Variants in DOP1A observed in about 807,000 individuals in gnomAD.
The protein encoded by DOP1A is DOP1 leucine zipper like protein A, also known as protein DOP1A.
A neutral mutation model predicts 267.6 loss-of-function variants in DOP1A; 90 were observed. The ratio of observed to expected loss-of-function variants is 0.34; its 90% CI spans 0.28 to 0.40. The LOEUF (loss-of-function observed/expected upper bound fraction) is 0.40. DOP1A is among the 10% of genes least tolerant of loss of function. The probability of loss-of-function intolerance (pLI) is 1.00; values close to 1 mark genes in which losing one functional copy is unlikely to be tolerated. For missense variants in DOP1A, 2,437 were observed against 2,900.4 expected (o/e 0.84, Z 3.67); for synonymous variants, 932 against 999.1 (o/e 0.93, Z 1.27).
At position 83,124,802 on chromosome 6, in the gene DOP1A, T is replaced by C; in HGVS notation, c.1438T>C (p.Leu480=). The C allele has an allele frequency of 6.2e-7, 1 of 1,612,790 alleles. No individual in the cohort carries two copies. The highest frequency in any genetic ancestry group is 8.5e-7 in the Non-Finnish European group (1 of 1,179,362). ...TTTCTGCTTACTGGTGGATTTTTTG[T>C]TGGACATAGTTTCTTTGGTAAGACC... ...TNFCLLVDFL[L]DIVSLPTRSM... Residue 480 remains leucine, a synonymous_variant, in exon 13 of 39, where the codon TTG becomes CTG. Transcript: ENST00000349129.
rs778524459 is a variant in DOP1A at position 83,134,250 on chromosome 6, A to G, written c.2833A>G (p.Ile945Val). The change falls in exon 19 of 39, where the codon ATA (isoleucine) becomes GTA (valine). Residue 945 changes from isoleucine to valine, a missense_variant. Coordinates refer to ENST00000349129, the MANE Select transcript of DOP1A (RefSeq NM_015018.4). ...TTGGCATCTAACGAGAGATCTCCAT[A>G]TAAATAAATCTTCATCTTTTGTACG... is the stretch of plus-strand genomic sequence containing the variant. ...VLWHLTRDLHINKSSSFVRSF... is the reference protein window; with the variant it reads ...VLWHLTRDLHVNKSSSFVRSF... 1.9e-6 allele frequency: 3 copies of G among 1,612,760 alleles called. No individual in the cohort carries two copies. The South Asian group carries it at 3.3e-5, about 18-fold the overall frequency.
chr6:83,082,693 T>G (rs1295842439), intron 1 of DOP1A, among the ~76,000 whole-genome samples: 7 of 152,242 alleles, frequency 4.6e-5, no homozygotes, highest in Non-Finnish European at 7.3e-5. Flanking sequence ...AATGCATTTG[T>G]TAATTAGCTA....
chr6:83,124,607 C>T, intron 12 of DOP1A, 98 bp from the exon 13 acceptor site: 1 of 874,046 alleles, frequency 1.1e-6, no homozygotes, highest in Non-Finnish European at 1.9e-6. Flanking sequence ...GTGTGTGACC[C>T]AATATTGACT....
intron 4 of DOP1A, among the ~76,000 whole-genome samples, chr6:83,105,241 T>C (rs1773374780): frequency 6.6e-6 from 1 of 152,122 alleles, no homozygotes; most frequent in African/African-American, 2.4e-5. Context: ...TAAATATTTG[T>C]TTAATGAATA....
chr6:83,126,587 TAATC>T (rs754212866), intron 15 of DOP1A, among the ~76,000 whole-genome samples: 1 of 151,984 alleles, frequency 6.6e-6, no homozygotes, highest in Non-Finnish European at 1.5e-5. Context: ...CAAAGGAAAA[TAATC>T]AAGTGGTAGG....
chr6:83,154,237 G>A lies in DOP1A; in HGVS notation c.6447G>A (p.Leu2149=). The change falls in exon 33 of 39, where the codon TTG becomes TTA. Residue 2149 remains leucine (L), a synonymous_variant. Coordinates refer to ENST00000349129, the MANE Select transcript of DOP1A (RefSeq NM_015018.4). ...MTHDKTTFRD[L]MTRVAVAQSS... is the part of the protein sequence containing the mutation. ...ATGATAAAACAACATTTAGAGATTT[G>A]ATGAGTGAGTATTACGGGATGACAA... 6.2e-7 allele frequency: 1 copy of A among 1,613,350 alleles called. No homozygotes were observed. Among genetic ancestry groups the A allele is most frequent in the Non-Finnish European group, 8.5e-7 (1 of 1,179,522 alleles).
downstream of DOP1A, chr6:83,170,424 G>A: frequency 6.2e-7 from 1 of 1,614,022 alleles, no homozygotes; most frequent in Non-Finnish European, 8.5e-7. Context: ...AATCCTGGGG[G>A]TGTAACTGCT....
rs1780247828 is a variant in DOP1A at position 83,144,868 on chromosome 6, A to G, written c.5542-656A>G. On this transcript the variant is annotated intron_variant, in intron 24 of 38. Coordinates refer to ENST00000349129, the MANE Select transcript of DOP1A (RefSeq NM_015018.4). ...GCTTATTGTTCTGTTTTATTTTTTG[A>G]GGTGATGTACCTTTATTGATGAAAA... 2.6e-5 allele frequency among the ~76,000 whole-genome samples: 4 copies of G among 151,488 alleles called. No individual in the cohort carries two copies. In the South Asian group the frequency reaches 8.3e-4, roughly 32 times the overall value.
Position 83,168,459 on chromosome 6 carries a change from C to T in DOP1A, c.*292C>T, listed in dbSNP as rs1007952071. 3.8e-6 allele frequency: 4 copies of T among 1,056,874 alleles called. No homozygotes were observed. 65.5% of individuals were successfully genotyped at this position (1,056,874 alleles called of 1,614,324 possible). A position where few individuals can be genotyped will look rare whatever the true frequency, so the allele number is the denominator to read the frequency against. On this transcript the variant is annotated 3_prime_UTR_variant, in exon 39 of 39. Transcript: ENST00000349129. ...TTAAACCTGCAAAATATACACTACCCATTTTTTTTTTCCATTGGTTTCAGA... is the reference window on the plus strand; with the variant it reads ...TTAAACCTGCAAAATATACACTACCTATTTTTTTTTTCCATTGGTTTCAGA...
At chr6:83,122,796 CAAATT>C in intron 11 of DOP1A, 62 bp from the exon 12 acceptor site, 1 of 1,257,136 alleles carries the variant, frequency 8.0e-7, no homozygotes, top group Non-Finnish European at 1.0e-6. Context: ...GCACTGCACT[CAAATT>C]TAAATTTGAA....
At position 83,113,302 on chromosome 6, in the gene DOP1A, T is replaced by G. The variant is rs375951863; in HGVS notation, c.682-21T>G. On this transcript the variant is annotated intron_variant, in intron 6 of 38. Transcript: ENST00000349129. ...GTCTCAGCATAATAGACAATAGATG[T>G]TAAAGATGCTGTTATTTCAGGTAGA... 7.5e-6 allele frequency: 12 copies of G among 1,599,456 alleles called. No homozygotes were observed. In the South Asian group the frequency reaches 8.9e-5, roughly 12 times the overall value.
chr6:83,145,116 A>G lies in DOP1A; in HGVS notation c.5542-408A>G, dbSNP rs560846330. Among the ~76,000 whole-genome samples, 6 of 109,808 alleles carry G rather than the reference A, an allele frequency of 5.5e-5. No homozygotes were observed. In the South Asian group the frequency reaches 1.6e-3, roughly 29 times the overall value. 72.0% of individuals were successfully genotyped at this position (109,808 alleles called of 152,430 possible). A position where few individuals can be genotyped will look rare whatever the true frequency, so the allele number is the denominator to read the frequency against. On this transcript the variant is annotated intron_variant, in intron 24 of 38. Coordinates refer to ENST00000349129, the MANE Select transcript of DOP1A (RefSeq NM_015018.4). Reference sequence around the variant, plus strand: ...AGACCCCATCTCAAAAAATATATACATATATTGTATATATATATATATATG... The same window carrying G: ...AGACCCCATCTCAAAAAATATATACGTATATTGTATATATATATATATATG...
intron 1 of DOP1A, among the ~76,000 whole-genome samples, chr6:83,068,220 CT>C (rs1296719328): frequency 1.3e-5 from 2 of 152,138 alleles, no homozygotes; most frequent in Non-Finnish European, 2.9e-5. Context: ...CTGGTGGGTT[CT>C]TTTAGCATTG....
At chr6:83,165,035 C>T (rs1010498671) in intron 38 of DOP1A, 2 of 249,184 alleles carry the variant, frequency 8.0e-6, no homozygotes, top group East Asian at 9.5e-5. Context: ...CAAAAGGTTA[C>T]CCCATAGTTC....
chr6:83,155,750 C>T (rs1782658361), intron 33 of DOP1A, among the ~76,000 whole-genome samples: 1 of 152,236 alleles, frequency 6.6e-6, no homozygotes, highest in Non-Finnish European at 1.5e-5. Flanking sequence ...CTCTCCATCA[C>T]AATTCCTACC....
intron 38 of DOP1A, chr6:83,166,508 A>G: frequency 1.4e-6 from 1 of 698,048 alleles, no homozygotes; most frequent in Non-Finnish European, 2.6e-6. Context: ...ATTTTTGTCT[A>G]ACATCATTTC....
rs1438095370 is a variant in DOP1A, at chr6:83,132,173, T to C, written c.2617-3T>C. 6.2e-7 allele frequency: 1 copy of C among 1,603,672 alleles called. No individual in the cohort carries two copies. The highest frequency in any genetic ancestry group is 1.7e-5 in the Admixed American group (1 of 59,848). On this transcript the variant is annotated splice_region_variant and splice_polypyrimidine_tract_variant and intron_variant, in intron 17 of 38. Transcript: ENST00000349129. ...GACTGTCACTTTTACATCTTTTTTA[T>C]AGCATGTAGCTTTAACATTGTGGGA... is the stretch of plus-strand genomic sequence containing the variant.
At chr6:83,075,087 T>A (rs9361989) in intron 1 of DOP1A, among the ~76,000 whole-genome samples, 99,235 of 152,030 alleles carry the variant, frequency 0.65, 33,872 homozygotes, top group Middle Eastern at 0.78. Flanking sequence ...TAATATATAT[T>A]TTCCCTCTTT....
chr6:83,148,102 A>G (rs1359195226), intron 26 of DOP1A, among the ~76,000 whole-genome samples: 4 of 152,168 alleles, frequency 2.6e-5, no homozygotes, highest in East Asian at 3.8e-4. Context: ...TGGGATTTCA[A>G]TAGAAAAATT....
Sources: allele counts gnomAD v4.1 joint callset (sites outside exome capture counted in the v4.1 genomes callset), GRCh38; gene constraint gnomAD v4.1.1; transcripts MANE v1.5; gene names NCBI Gene and HGNC (gene_info 2026-07-23, HGNC 2026-07-21).